Variants in ACSL4 observed in about 807,000 individuals in gnomAD.
The protein encoded by ACSL4 is long-chain-fatty-acid--CoA ligase 4.
In ACSL4, 9 loss-of-function variants were observed where a neutral mutation model predicts 49.1. That is an observed-to-expected ratio of 0.18 (90% confidence interval 0.11 to 0.32). ACSL4 has a LOEUF of 0.32. ACSL4 is among the 10% of genes least tolerant of loss of function. The pLI is 1.00. For missense variants in ACSL4, 333 were observed against 493.7 expected (o/e 0.67, Z 3.08); for synonymous variants, 191 against 170.3 (o/e 1.12, Z -0.95).
intron 8 of ACSL4, among the ~76,000 whole-genome samples, chrX:109,675,024 T>C (rs1923567431): frequency 8.9e-6 from 1 of 112,356 alleles, no homozygotes; most frequent in Non-Finnish European, 1.9e-5. Flanking sequence ...TAGAGGATGG[T>C]TCTCCCGATA....
At chrX:109,732,370 G>C (rs1365509662) in intron 1 of ACSL4, among the ~76,000 whole-genome samples, 1 of 111,364 alleles carries the variant, frequency 9.0e-6, no homozygotes, top group Admixed American at 9.5e-5. Flanking sequence ...CCCCTTGATG[G>C]GGTTAGACAA....
intron 15 of ACSL4, among the ~76,000 whole-genome samples, chrX:109,647,241 C>T (rs1934758649): frequency 1.8e-5 from 2 of 111,662 alleles, no homozygotes; most frequent in African/African-American, 6.5e-5. Flanking sequence ...CACCACACCA[C>T]ACCTATTCCA....
chrX:109,692,007 A>G (rs1925074293), intron 2 of ACSL4: 1 of 112,021 alleles, frequency 8.9e-6, no homozygotes, highest in Non-Finnish European at 1.9e-5. Context: ...GTCTCTCACA[A>G]GATAAACTGA....
rs1455946470 is a variant in ACSL4, at chrX:109,648,511, G to C, written c.1856-4325C>G. On this transcript the variant is annotated intron_variant, in intron 15 of 15. Transcript: ENST00000672401. ...AAAAACTCTCAATAAATTAGGTATTGATGGGACGTATTTCAAAATAATAAG... is the reference window on the plus strand; with the variant it reads ...AAAAACTCTCAATAAATTAGGTATTCATGGGACGTATTTCAAAATAATAAG... Among the ~76,000 whole-genome samples, 3 of 110,103 alleles carry C rather than the reference G, an allele frequency of 2.7e-5. No homozygotes were observed. In the Admixed American group the frequency reaches 2.9e-4, roughly 11 times the overall value.
chrX:109,656,978 T>C (rs1569418389), intron 15 of ACSL4, among the ~76,000 whole-genome samples: 2 of 111,592 alleles, frequency 1.8e-5, no homozygotes, highest in South Asian at 7.4e-4. Context: ...ATCTTGCCAA[T>C]CATGCTTCCC....
At chrX:109,647,937 A>G (rs1934805606) in intron 15 of ACSL4, among the ~76,000 whole-genome samples, 1 of 111,585 alleles carries the variant, frequency 9.0e-6, no homozygotes, top group African/African-American at 3.3e-5. Context: ...AAATGGATAA[A>G]TTCCTGGACA....
At chrX:109,731,415 T>C (rs1928433230) in intron 1 of ACSL4, among the ~76,000 whole-genome samples, 1 of 110,345 alleles carries the variant, frequency 9.1e-6, no homozygotes. Flanking sequence ...TAAATATATA[T>C]CTAGAGTTGG....
chrX:109,689,262 T>G (rs939462396), intron 2 of ACSL4, among the ~76,000 whole-genome samples: 4 of 112,326 alleles, frequency 3.6e-5, no homozygotes, highest in Admixed American at 9.5e-5. Context: ...GTTACCATCC[T>G]GGTTTAAGCC....
At chrX:109,721,530 G>A (rs1255849840) in intron 1 of ACSL4, among the ~76,000 whole-genome samples, 1 of 111,216 alleles carries the variant, frequency 9.0e-6, no homozygotes, top group East Asian at 2.8e-4. Context: ...TCAGAAGTTC[G>A]AGACCAGCCG....
intron 15 of ACSL4, among the ~76,000 whole-genome samples, chrX:109,651,966 G>A (rs772817316): frequency 1.8e-5 from 2 of 111,768 alleles, no homozygotes; most frequent in African/African-American, 6.5e-5. Context: ...AAGTGAGAAA[G>A]GTTAGGAGAA....
chrX:109,658,473 C>T (rs1246946122), intron 15 of ACSL4, among the ~76,000 whole-genome samples: 1 of 111,552 alleles, frequency 9.0e-6, no homozygotes, highest in Non-Finnish European at 1.9e-5. Flanking sequence ...CTGCCAATGG[C>T]TCCTCACTGT....
intron 15 of ACSL4, among the ~76,000 whole-genome samples, chrX:109,651,258 T>C (rs1019807527): frequency 4.5e-5 from 5 of 111,845 alleles, no homozygotes; most frequent in African/African-American, 1.6e-4. Context: ...AAAACAGCAA[T>C]TGCCAAGAAG....
rs750858515 is a variant in ACSL4 at position 109,681,257 on chromosome X, C to T, written c.516+9G>A. The T allele has an allele frequency of 5.8e-6, 7 of 1,202,967 alleles. No individual in the cohort carries two copies. In the East Asian group the frequency reaches 1.5e-4, roughly 25 times the overall value. ...GCAACCATGAATTAAAAGAAAATTT[C>T]ATATTTACCTTAAGTTTACTTTCCA... On this transcript the variant is annotated intron_variant, in intron 5 of 15. Coordinates refer to ENST00000672401, the MANE Select transcript of ACSL4 (RefSeq NM_001318510.2).
At chrX:109,683,047 G>T in intron 3 of ACSL4, 89 bp downstream of exon 3, 1 of 1,049,574 alleles carries the variant, frequency 9.5e-7, no homozygotes, top group Non-Finnish European at 1.3e-6. Context: ...ATAATAGAAT[G>T]CCAGCATACT....
chrX:109,650,352 A>G (rs1348082411), intron 15 of ACSL4, among the ~76,000 whole-genome samples: 4 of 109,500 alleles, frequency 3.7e-5, no homozygotes, highest in African/African-American at 1.3e-4. Flanking sequence ...CAGCCATAAA[A>G]AATGATGAGT....
At position 109,696,174 on chromosome X, in the gene ACSL4, C is replaced by T. The variant is rs1257090501; in HGVS notation, c.-43G>A. 1.8e-5 allele frequency: 2 copies of T among 112,172 alleles called. No homozygotes were observed. Among genetic ancestry groups the T allele is most frequent in the East Asian group, 2.8e-4 (1 of 3,610 alleles). The allele number at this position is 112,172 out of a possible 1,213,427, so 9.2% of individuals were successfully genotyped here. ...TCCTCTTTTTCTCTTAAGAAGAACACGAATATCTTCTGTGATTTCAATCTG... is the reference window on the plus strand; with the variant it reads ...TCCTCTTTTTCTCTTAAGAAGAACATGAATATCTTCTGTGATTTCAATCTG... On this transcript the variant is annotated 5_prime_UTR_variant, in exon 2 of 16. It adds an upstream start codon to the 5' untranslated region. Transcript: ENST00000672401.
At chrX:109,727,166 T>C (rs768011035) in intron 1 of ACSL4, among the ~76,000 whole-genome samples, 6 of 112,264 alleles carry the variant, frequency 5.3e-5, no homozygotes, top group African/African-American at 1.6e-4. Flanking sequence ...CACAGCCACC[T>C]GTCTTTACTC....
chrX:109,727,419 T>G (rs1408459386), intron 1 of ACSL4, among the ~76,000 whole-genome samples: 2 of 111,836 alleles, frequency 1.8e-5, no homozygotes, highest in Admixed American at 9.6e-5. Flanking sequence ...CATCATAGAC[T>G]GCATAGAAGT....
intron 6 of ACSL4, 116 bp downstream of exon 6, chrX:109,680,881 CT>C (rs1424702820): frequency 1.9e-3 from 1,321 of 712,549 alleles, no homozygotes; most frequent in Non-Finnish European, 2.1e-3. Context: ...GATTTTTGAA[CT>C]TTTTTTTTTC....
Sources: gnomAD v4.1 joint callset for allele counts (sites outside exome capture counted in the v4.1 genomes callset) on GRCh38, gnomAD v4.1.1 for gene constraint, MANE v1.5 for transcripts, NCBI Gene and HGNC (gene_info 2026-07-23, HGNC 2026-07-21) for gene names.